ROBO2: variants seen among roughly 807,000 people sequenced by gnomAD.
The protein encoded by ROBO2 is roundabout homolog 2.
Under a neutral mutation model 160.8 loss-of-function variants are expected in ROBO2, and 53 were observed. The observed-to-expected ratio is 0.33, with a 90% CI of 0.26 to 0.41. ROBO2 has a LOEUF of 0.41. Among genes scored for constraint, ROBO2 ranks in the 10% least tolerant of loss-of-function variants. The pLI is 1.00. For synonymous variants in ROBO2, 664 were observed against 611.7 expected, an observed-to-expected ratio of 1.09 and a Z score of -1.26; for missense variants, 1,577 against 1,722.4, an observed-to-expected ratio of 0.92 and a Z score of 1.49.
intron 2 of ROBO2, among the ~76,000 whole-genome samples, chr3:77,381,220 CAGG>C (rs1428859132): frequency 1.3e-5 from 2 of 152,148 alleles, no homozygotes; most frequent in Non-Finnish European, 2.9e-5. Flanking sequence ...GAGGCTGAGG[CAGG>C]AGAATTGCTT....
At chr3:76,393,921 A>G (rs1373506610) in intron 2 of ROBO2, among the ~76,000 whole-genome samples, 1 of 152,190 alleles carries the variant, frequency 6.6e-6, no homozygotes, top group Non-Finnish European at 1.5e-5. Flanking sequence ...ATAGGGATAT[A>G]GGTGGATGAG....
At chr3:76,214,030 C>A (rs1703329571) in intron 2 of ROBO2, among the ~76,000 whole-genome samples, 1 of 152,076 alleles carries the variant, frequency 6.6e-6, no homozygotes, top group Non-Finnish European at 1.5e-5. Flanking sequence ...ACAGATGCAC[C>A]CAGGAATAAT....
chr3:76,188,506 G>C (rs1009482678), intron 2 of ROBO2, among the ~76,000 whole-genome samples: 2 of 151,986 alleles, frequency 1.3e-5, no homozygotes, highest in Non-Finnish European at 2.9e-5. Flanking sequence ...ACACATGCTT[G>C]AGGGATATGA....
chr3:76,513,331 TTATTTATTTATTTATC>T (rs201241164), intron 2 of ROBO2, among the ~76,000 whole-genome samples: 3,520 of 152,164 alleles, frequency 0.023, 55 homozygotes, highest in South Asian at 0.046. Context: ...TTGTGGGTAT[TTATTTATTTATTTATC>T]TATTTATTTA....
intron 2 of ROBO2, among the ~76,000 whole-genome samples, chr3:77,457,359 G>A (rs184197600): frequency 6.6e-6 from 1 of 152,110 alleles, no homozygotes; most frequent in African/African-American, 2.4e-5. Flanking sequence ...TATATAATAG[G>A]GAGGACAAAG....
intron 23 of ROBO2, chr3:77,629,997 G>A (rs1007411638): frequency 6.6e-6 from 1 of 152,184 alleles, no homozygotes; most frequent in Admixed American, 6.5e-5. Context: ...GCGAGTTTAT[G>A]TGTAGTGTTT....
intron 2 of ROBO2, among the ~76,000 whole-genome samples, chr3:76,748,500 T>C (rs2108178073): frequency 6.6e-6 from 1 of 151,720 alleles, no homozygotes; most frequent in African/African-American, 2.4e-5. Flanking sequence ...ATACCTGATG[T>C]ATAAAAAGTT....
chr3:76,487,083 C>G (rs1248248237), intron 2 of ROBO2, among the ~76,000 whole-genome samples: 2 of 152,146 alleles, frequency 1.3e-5, no homozygotes. Flanking sequence ...AATCCACCTG[C>G]CACAGCCTCT....
chr3:76,462,789 T>C (rs1466637864), intron 2 of ROBO2, among the ~76,000 whole-genome samples: 1 of 152,212 alleles, frequency 6.6e-6, no homozygotes, highest in Non-Finnish European at 1.5e-5. Flanking sequence ...TTACTGTCGG[T>C]CATTGTCAGA....
chr3:77,135,111 C>T (rs908649205), intron 2 of ROBO2, among the ~76,000 whole-genome samples: 3 of 152,154 alleles, frequency 2.0e-5, no homozygotes, highest in African/African-American at 4.8e-5. Context: ...AAGAGGCTTG[C>T]GCAGCAATTA....
chr3:76,479,900 C>A (rs1182687174), intron 2 of ROBO2, among the ~76,000 whole-genome samples: 3 of 152,048 alleles, frequency 2.0e-5, no homozygotes, highest in Non-Finnish European at 2.9e-5. Flanking sequence ...CTGCTGTTTT[C>A]AATTGTTTAG....
intron 2 of ROBO2, among the ~76,000 whole-genome samples, chr3:76,866,991 C>A (rs1213159030): frequency 2.0e-5 from 3 of 152,104 alleles, no homozygotes; most frequent in Non-Finnish European, 4.4e-5. Flanking sequence ...TTAGAATATG[C>A]AGTGAACCAT....
chr3:76,736,092 G>C (rs1325522765), intron 2 of ROBO2, among the ~76,000 whole-genome samples: 1 of 151,448 alleles, frequency 6.6e-6, no homozygotes, highest in Non-Finnish European at 1.5e-5. Flanking sequence ...GACCATCCTG[G>C]CTAACACGGT....
At chr3:76,144,031 C>T (rs562073650) in intron 2 of ROBO2, among the ~76,000 whole-genome samples, 47 of 152,042 alleles carry the variant, frequency 3.1e-4, no homozygotes, top group African/African-American at 1.1e-3. Flanking sequence ...ATCAGCTTCA[C>T]TCAGTCTACT....
chr3:76,968,836 C>A (rs998104664), intron 2 of ROBO2, among the ~76,000 whole-genome samples: 3 of 152,082 alleles, frequency 2.0e-5, no homozygotes, highest in Non-Finnish European at 4.4e-5. Context: ...CTTTTTTCAA[C>A]AGAGTTTATA....
chr3:77,595,017 T>C, intron 17 of ROBO2, 125 bp from the exon 19 acceptor site: 1 of 729,082 alleles, frequency 1.4e-6, no homozygotes, highest in Non-Finnish European at 2.4e-6. Context: ...ATGATGTTAA[T>C]TATATTTTGT....
chr3:77,160,055 T>C (rs962327101), intron 2 of ROBO2, among the ~76,000 whole-genome samples: 5 of 152,054 alleles, frequency 3.3e-5, no homozygotes, highest in African/African-American at 9.7e-5. Flanking sequence ...AAAAAATATA[T>C]AGATTCACCA....
intron 2 of ROBO2, among the ~76,000 whole-genome samples, chr3:76,344,176 A>G (rs1439749514): frequency 6.6e-6 from 1 of 152,160 alleles, no homozygotes; most frequent in African/African-American, 2.4e-5. Context: ...TTGAGTTAAA[A>G]CAATTGAATG....
At chr3:77,206,145 C>G (rs557637248) in intron 2 of ROBO2, among the ~76,000 whole-genome samples, 29 of 150,864 alleles carry the variant, frequency 1.9e-4, no homozygotes, top group Admixed American at 1.1e-3. Flanking sequence ...CTTCCTGCAT[C>G]TCTCTCTCTC....
Sources: gnomAD v4.1 joint callset for allele counts (sites outside exome capture counted in the v4.1 genomes callset) on GRCh38, gnomAD v4.1.1 for gene constraint, MANE v1.5 for transcripts, NCBI Gene and HGNC (gene_info 2026-07-23, HGNC 2026-07-21) for gene names.